The following UTP20 variants were observed in gnomAD, a reference collection of about 807,000 sequenced individuals.
The protein encoded by UTP20 is small subunit processome component 20 homolog.
A neutral mutation model predicts 329.5 loss-of-function variants in UTP20; 164 were observed. That is an observed-to-expected ratio of 0.50 (90% CI 0.44 to 0.57). UTP20 has a LOEUF of 0.57. Among genes scored for constraint, UTP20 ranks in the 20% least tolerant of loss-of-function variants. The pLI is 0.00. For synonymous variants in UTP20, 1,151 were observed against 1,159.3 expected, an observed-to-expected ratio of 0.99 and a Z score of 0.14; for missense variants, 3,055 against 3,284.2, an observed-to-expected ratio of 0.93 and a Z score of 1.71.
chr12:101,314,975 C>T (rs763835807), intron 21 of UTP20, among the ~76,000 whole-genome samples: 33 of 152,008 alleles, frequency 2.2e-4, no homozygotes, highest in Non-Finnish European at 4.6e-4. Flanking sequence ...GCCTGTAAGT[C>T]CCAGCTATTT....
At chr12:101,320,563 A>T (rs1471992294) in intron 23 of UTP20, among the ~76,000 whole-genome samples, 2 of 152,064 alleles carry the variant, frequency 1.3e-5, no homozygotes, top group Non-Finnish European at 2.9e-5. Flanking sequence ...TTGAAAAAAA[A>T]AAGAGAAAGA....
At chr12:101,293,334 T>G (rs1298694474) in intron 11 of UTP20, 89 bp downstream of exon 11, 39 of 1,261,232 alleles carry the variant, frequency 3.1e-5, no homozygotes, top group Non-Finnish European at 1.9e-5. Context: ...TTTCTGTTTG[T>G]TTTTTGAGAG....
In UTP20 at chr12:101,338,094, T is replaced by C. The variant is rs1868990831; in HGVS notation, c.3685T>C (p.Cys1229Arg). 1.9e-6 allele frequency: 3 copies of C among 1,614,176 alleles called. No individual in the cohort carries two copies. Among genetic ancestry groups the C allele is most frequent in the African/African-American group, 2.7e-5 (2 of 75,054 alleles). ...TAAACAGAAGCCTGGGCACCCAGAA[T>C]GTGATATCCTGACCAATGTTTTTGC... Reference protein sequence around the residue: ...LAKQKPGHPECDILTNVFAIL... With the variant: ...LAKQKPGHPERDILTNVFAIL... Residue 1229 changes from cysteine (C) to arginine (R), a missense_variant, in exon 30 of 62, where the codon TGT (cysteine) becomes CGT (arginine). Transcript: ENST00000261637.
intron 1 of UTP20, 56 bp downstream of exon 1, chr12:101,280,383 A>C: frequency 6.5e-7 from 1 of 1,548,022 alleles, no homozygotes; most frequent in Non-Finnish European, 8.7e-7. Context: ...CAGTCGTGAG[A>C]CAGGCTCTGA....
intron 12 of UTP20, among the ~76,000 whole-genome samples, chr12:101,297,188 A>G (rs1872383696): frequency 6.6e-6 from 1 of 151,936 alleles, no homozygotes; most frequent in Admixed American, 6.6e-5. Context: ...TTCTGGAGGA[A>G]CCTATTTTCT....
intron 25 of UTP20, chr12:101,326,758 T>C (rs1037295551): frequency 1.2e-5 from 2 of 165,404 alleles, no homozygotes; most frequent in Non-Finnish European, 2.6e-5. Context: ...GTTTGAATTT[T>C]TGAATTTTTT....
chr12:101,340,540 A>T lies in UTP20; in HGVS notation c.4031A>T (p.Lys1344Ile). 1 of 1,607,266 alleles carries T rather than the reference A, an allele frequency of 6.2e-7. No homozygotes were observed. Among genetic ancestry groups the T allele is most frequent in the African/African-American group, 1.3e-5 (1 of 74,776 alleles). The change falls in exon 32 of 62, where the codon AAA becomes ATA. Residue 1344 changes from lysine to isoleucine, a missense_variant. Physicochemically the swap from Lys to Ile is moderately radical, Grantham distance 102 (BLOSUM62 -3). Coordinates refer to ENST00000261637, the MANE Select transcript of UTP20 (RefSeq NM_014503.3). ...TTCTTTAGGATCAGCAAGTTTATGA[A>T]AGACAAAGAACAAAGTTCTGTACTC... The part of the protein sequence containing the change: ...GILSKISKFM[K>I]DKEQSSVLIT...
intron 39 of UTP20, 68 bp downstream of exon 39, chr12:101,352,262 GT>G (rs1869554209): frequency 1.4e-6 from 2 of 1,479,248 alleles, no homozygotes; most frequent in Non-Finnish European, 1.8e-6. Context: ...GTATTCCATG[GT>G]ATATATGTGC....
In UTP20 at chr12:101,365,447, T is replaced by G. The variant is rs1389309956; in HGVS notation, c.5959-12T>G. ...GTGTCATCTCAGCATGACATTTATGTTTTGCCTTTAGATCTTACAAAATAC... is the reference window on the plus strand; with the variant it reads ...GTGTCATCTCAGCATGACATTTATGGTTTGCCTTTAGATCTTACAAAATAC... On this transcript the variant is annotated splice_polypyrimidine_tract_variant and intron_variant, in intron 45 of 61. Transcript: ENST00000261637. The G allele has an allele frequency of 1.9e-6, 3 of 1,589,528 alleles. No individual in the cohort carries two copies. Among genetic ancestry groups the G allele is most frequent in the South Asian group, 2.3e-5 (2 of 86,034 alleles).
chr12:101,353,164 A>G (rs779165363), intron 40 of UTP20, 35 bp downstream of exon 40: 1 of 1,447,952 alleles, frequency 6.9e-7, no homozygotes, highest in South Asian at 1.2e-5. Flanking sequence ...CAAGATTTTC[A>G]TCTTATTCTT....
chr12:101,378,846 C>T (rs532411067), intron 56 of UTP20, among the ~76,000 whole-genome samples: 26 of 152,178 alleles, frequency 1.7e-4, no homozygotes, highest in Non-Finnish European at 3.2e-4. Flanking sequence ...CATTTAACCA[C>T]TCTAGGAGTT....
chr12:101,372,990 G>A (rs928514093), intron 52 of UTP20, 27 bp downstream of exon 52: 1 of 1,586,446 alleles, frequency 6.3e-7, no homozygotes, highest in Non-Finnish European at 8.7e-7. Context: ...AACTACACAG[G>A]GGCGGAGGGT....
At chr12:101,331,541 A>G (rs1337050460) in intron 27 of UTP20, among the ~76,000 whole-genome samples, 3 of 152,214 alleles carry the variant, frequency 2.0e-5, no homozygotes, top group African/African-American at 7.2e-5. Flanking sequence ...TATGTGAGAT[A>G]CCATGATTCC....
In UTP20 at chr12:101,317,556, G is replaced by C; in HGVS notation, c.2631G>C (p.Glu877Asp). 6.2e-7 allele frequency: 1 copy of C among 1,614,186 alleles called. No individual in the cohort carries two copies. Among genetic ancestry groups the C allele is most frequent in the Non-Finnish European group, 8.5e-7 (1 of 1,180,024 alleles). ...LRRKGKGMVAEEIEEEPAAGD... is the reference protein window; with the variant it reads ...LRRKGKGMVADEIEEEPAAGD... ...GAAAAGGCAAAGGGATGGTGGCAGA[G>C]GAAATCGAAGAGGAACCTGCCGCAG... Residue 877 changes from glutamate to aspartate, a missense_variant, in exon 22 of 62, where the codon GAG becomes GAC. Transcript: ENST00000261637.
At chr12:101,374,160 G>A (rs951292332) in intron 54 of UTP20, among the ~76,000 whole-genome samples, 63 of 150,688 alleles carry the variant, frequency 4.2e-4, no homozygotes, top group Middle Eastern at 3.4e-3. Flanking sequence ...GCGTGAACCC[G>A]GGAGGCGGAG....
In UTP20 at chr12:101,386,290, G is replaced by A; in HGVS notation, c.*167G>A. On this transcript the variant is annotated 3_prime_UTR_variant, in exon 62 of 62. Transcript: ENST00000261637. ...AGTGACGACATCACAGCTCACTGCA[G>A]CCTCAACCTGGGTTCAAGTGATCCT... The A allele has an allele frequency of 3.6e-6, 2 of 552,340 alleles. No homozygotes were observed. The highest frequency in any genetic ancestry group is 3.9e-5 in the Admixed American group (1 of 25,500). The allele number at this position is 552,340 out of a possible 1,614,324, so 34.2% of individuals were successfully genotyped here. A position where few individuals can be genotyped will look rare whatever the true frequency, so the allele number is the denominator to read the frequency against.
At chr12:101,376,793 G>A (rs938682121) in intron 56 of UTP20, among the ~76,000 whole-genome samples, 1 of 152,118 alleles carries the variant, frequency 6.6e-6, no homozygotes, top group Non-Finnish European at 1.5e-5. Context: ...GGGATTACAG[G>A]CACATGCTAC....
chr12:101,363,543 A>G (rs771036958), intron 44 of UTP20, 33 bp from the exon 45 acceptor site: 34 of 1,597,948 alleles, frequency 2.1e-5, no homozygotes, highest in Non-Finnish European at 2.7e-5. Flanking sequence ...TGCTGAGTGC[A>G]TATAATTGCC....
Position 101,343,013 on chromosome 12 carries a change from A to G in UTP20, c.4369A>G (p.Thr1457Ala), listed in dbSNP as rs202225479. Residue 1457 changes from threonine (T) to alanine (A), a missense_variant, in exon 35 of 62, where the codon ACC (threonine) becomes GCC (alanine). Thr to Ala is a moderately conservative substitution (Grantham distance 58). Around this residue, in one of 3 missense-constraint regions of UTP20, gnomAD observed 2,445 missense variants for 2,575.5 expected, o/e 0.95. Transcript: ENST00000261637. ...DVRFETFQTI[T>A]SYIKEMQIVD... ...TCGCTTTGAGACTTTCCAGACCATCACCTCTTACATTAAAGAAATGCAAAT... is the reference window on the plus strand; with the variant it reads ...TCGCTTTGAGACTTTCCAGACCATCGCCTCTTACATTAAAGAAATGCAAAT... 1.3e-5 allele frequency: 21 copies of G among 1,613,714 alleles called. No homozygotes were observed. In the Admixed American group the frequency reaches 1.5e-4, roughly 12 times the overall value.
Sources: allele counts gnomAD v4.1 joint callset (sites outside exome capture counted in the v4.1 genomes callset), GRCh38; gene constraint gnomAD v4.1.1; regional missense constraint gnomAD v4.1.1; transcripts MANE v1.5; gene names NCBI Gene and HGNC (gene_info 2026-07-23, HGNC 2026-07-21).